The following SMAD4 variants were observed in gnomAD, a reference collection of about 807,000 sequenced individuals.
SMAD4 encodes the protein SMAD family member 4, also known as MAD homolog 4.
In SMAD4, 7 loss-of-function variants were observed where a neutral mutation model predicts 63.2. That is an observed-to-expected ratio of 0.11 (90% CI 0.06 to 0.21). SMAD4 has a LOEUF of 0.21. SMAD4 is among the 10% of genes least tolerant of loss of function. The probability of loss-of-function intolerance (pLI) is 1.00; values close to 1 mark genes in which losing one functional copy is unlikely to be tolerated. For missense variants in SMAD4, 312 were observed against 693.8 expected (o/e 0.45, Z 6.18); for synonymous variants, 215 against 235.4 (o/e 0.91, Z 0.79).
chr18:51,073,433 A>ACC (rs1314307648), intron 10 of SMAD4, among the ~76,000 whole-genome samples: 2 of 130,504 alleles, frequency 1.5e-5, no homozygotes, highest in Non-Finnish European at 3.3e-5. Flanking sequence ...ACACACACAC[A>ACC]CCATACTTGG....
intron 1 of SMAD4, among the ~76,000 whole-genome samples, chr18:51,041,565 C>G (rs1909384079): frequency 6.6e-6 from 1 of 152,222 alleles, no homozygotes; most frequent in African/African-American, 2.4e-5. Context: ...TATATTGCCT[C>G]CAGATGTTGC....
rs1179565122 is a variant in SMAD4 at position 51,049,538 on chromosome 18, A to G, written c.454+214A>G. ...CTATTGCTCTTTGTATTTGAACTGC[A>G]ATTTATGAACTAAAGTACTGTAAAA... On this transcript the variant is annotated intron_variant, in intron 4 of 11. Transcript: ENST00000342988. 3.6e-5 allele frequency: 19 copies of G among 524,856 alleles called. No individual in the cohort carries two copies. The East Asian group carries it at 5.7e-4, about 16-fold the overall frequency. The allele number at this position is 524,856 out of a possible 1,614,324, so 32.5% of individuals were successfully genotyped here. A position where few individuals can be genotyped will look rare whatever the true frequency, so the allele number is the denominator to read the frequency against.
intron 1 of SMAD4, among the ~76,000 whole-genome samples, chr18:51,041,917 G>T (rs1397269701): frequency 6.6e-6 from 1 of 152,128 alleles, no homozygotes; most frequent in African/African-American, 2.4e-5. Flanking sequence ...CCAAGACCTA[G>T]GTTACCTATG....
At chr18:51,050,371 G>A (rs184766805) in intron 4 of SMAD4, among the ~76,000 whole-genome samples, 5 of 148,626 alleles carry the variant, frequency 3.4e-5, no homozygotes, top group Non-Finnish European at 6.0e-5. Flanking sequence ...AAAAAAAAGT[G>A]GGGGGAGGCT....
At chr18:51,047,605 GTTTTC>G (rs1176234646) in intron 2 of SMAD4, among the ~76,000 whole-genome samples, 1 of 150,138 alleles carries the variant, frequency 6.7e-6, no homozygotes, top group Non-Finnish European at 1.5e-5. Flanking sequence ...GTAGCCTGTT[GTTTTC>G]TTTTTTTTTT....
intron 8 of SMAD4, among the ~76,000 whole-genome samples, chr18:51,062,616 A>C (rs926772330): frequency 1.3e-5 from 2 of 151,810 alleles, no homozygotes; most frequent in African/African-American, 2.4e-5. Flanking sequence ...CTCCTGCCTC[A>C]GCCTCCCGAG....
Position 51,083,993 on chromosome 18 carries a change from CGCGT to C in SMAD4, c.*5530_*5533del. On this transcript the variant is annotated 3_prime_UTR_variant, in exon 12 of 12. Coordinates refer to ENST00000342988, the MANE Select transcript of SMAD4 (RefSeq NM_005359.6). ...TAGGGGCTGCAATAAACACTTAACGCGCGTGCGCACGCGCGCGCGCACACACACA... is the reference window on the plus strand; with the variant it reads ...TAGGGGCTGCAATAAACACTTAACGCGCGCACGCGCGCGCGCACACACACA... 1 of 155,572 alleles carries C rather than the reference CGCGT, an allele frequency of 6.4e-6. No individual in the cohort carries two copies. 9.6% of individuals were successfully genotyped at this position (155,572 alleles called of 1,614,324 possible). A position where few individuals can be genotyped will look rare whatever the true frequency, so the allele number is the denominator to read the frequency against.
Position 51,080,975 on chromosome 18 carries a change from A to G in SMAD4, c.*2508A>G. 4.9e-6 allele frequency: 1 copy of G among 202,418 alleles called. No individual in the cohort carries two copies. The highest frequency in any genetic ancestry group is 2.3e-5 in the African/African-American group (1 of 43,768). 12.5% of individuals were successfully genotyped at this position (202,418 alleles called of 1,614,324 possible). On this transcript the variant is annotated 3_prime_UTR_variant, in exon 12 of 12. Transcript: ENST00000342988. Reference sequence around the variant, plus strand: ...TTGGTTTCTTTCTACTAAGAGCCATAAAGTATAGAAATACTTCTAGTTGTT... The same window carrying G: ...TTGGTTTCTTTCTACTAAGAGCCATGAAGTATAGAAATACTTCTAGTTGTT...
intron 5 of SMAD4, among the ~76,000 whole-genome samples, chr18:51,055,198 A>G (rs1299516453): frequency 6.6e-6 from 1 of 152,212 alleles, no homozygotes; most frequent in Non-Finnish European, 1.5e-5. Flanking sequence ...ATTTAAATTA[A>G]TGATCTGATT....
chr18:51,047,138 A>G lies in SMAD4; in HGVS notation c.92A>G (p.Glu31Gly). The change falls in exon 2 of 12, where the codon GAG (glutamate) becomes GGG (glycine). Residue 31 changes from glutamate (E) to glycine (G), a missense_variant. By Grantham distance (98) the Glu-to-Gly change is moderately conservative. Around this residue, in one of 4 missense-constraint regions of SMAD4, gnomAD observed 37 missense variants for 87.3 expected, o/e 0.42. Coordinates refer to ENST00000342988, the MANE Select transcript of SMAD4 (RefSeq NM_005359.6). ...HSLMCHRQGG[E>G]SETFAKRAIE... ...TTGATGTGCCATAGACAAGGTGGAG[A>G]GAGTGAAACATTTGCAAAAAGAGCA... is the stretch of plus-strand genomic sequence containing the variant. 1 of 1,614,120 alleles carries G rather than the reference A, an allele frequency of 6.2e-7. No individual in the cohort carries two copies. The highest frequency in any genetic ancestry group is 8.5e-7 in the Non-Finnish European group (1 of 1,179,982).
At chr18:51,046,792 A>C in intron 1 of SMAD4, 128 bp from the exon 2 acceptor site, 1 of 436,812 alleles carries the variant, frequency 2.3e-6, no homozygotes, top group Admixed American at 3.9e-5. Flanking sequence ...TTCAACTCTG[A>C]GCATCAAATT....
At position 51,079,874 on chromosome 18, in the gene SMAD4, G is replaced by A. The variant is rs1910566316; in HGVS notation, c.*1407G>A. ...TGAGGTACCTTCTACTAAATGACAG[G>A]CAACAGCCAGTTCTATTGGGCAGCT... On this transcript the variant is annotated 3_prime_UTR_variant, in exon 12 of 12. Coordinates refer to ENST00000342988, the MANE Select transcript of SMAD4 (RefSeq NM_005359.6). 4.3e-6 allele frequency: 1 copy of A among 232,216 alleles called. No individual in the cohort carries two copies. The highest frequency in any genetic ancestry group is 8.5e-6 in the Non-Finnish European group (1 of 117,588). 14.4% of individuals were successfully genotyped at this position (232,216 alleles called of 1,614,324 possible). A position where few individuals can be genotyped will look rare whatever the true frequency, so the allele number is the denominator to read the frequency against.
chr18:51,084,012 GCACA>G lies in SMAD4; in HGVS notation c.*5574_*5577del, dbSNP rs56017493. 7.1e-3 allele frequency: 1,152 copies of G among 162,750 alleles called. 5 individuals are homozygous for G. Among genetic ancestry groups the G allele is most frequent in the South Asian group, 0.025 (106 of 4,262 alleles). The allele number at this position is 162,750 out of a possible 1,614,324, so 10.1% of individuals were successfully genotyped here. On this transcript the variant is annotated 3_prime_UTR_variant, in exon 12 of 12. Transcript: ENST00000342988. Reference sequence around the variant, plus strand: ...TTAACGCGCGTGCGCACGCGCGCGCGCACACACACACACACACACACACACACAC... The same window carrying G: ...TTAACGCGCGTGCGCACGCGCGCGCGCACACACACACACACACACACACAC...
At chr18:51,038,432 T>TA (rs1484688970) in intron 1 of SMAD4, among the ~76,000 whole-genome samples, 17 of 152,246 alleles carry the variant, frequency 1.1e-4, no homozygotes, top group African/African-American at 3.4e-4. Context: ...AGTTCACTGA[T>TA]ACAGTGAATT....
chr18:51,039,592 G>C (rs2144385828), intron 1 of SMAD4, among the ~76,000 whole-genome samples: 1 of 149,196 alleles, frequency 6.7e-6, no homozygotes. Context: ...TGTGGCCAGG[G>C]GGTGGCTCTG....
intron 1 of SMAD4, among the ~76,000 whole-genome samples, chr18:51,031,862 T>C (rs1400010848): frequency 6.6e-6 from 1 of 152,192 alleles, no homozygotes; most frequent in East Asian, 1.9e-4. Flanking sequence ...ATATTTCAGT[T>C]GAAATCTAGG....
Position 51,065,618 on chromosome 18 carries a change from A to G in SMAD4, c.1139+12A>G, listed in dbSNP as rs2144448157. 2 of 1,607,580 alleles carry G rather than the reference A, an allele frequency of 1.2e-6. No homozygotes were observed. The highest frequency in any genetic ancestry group is 1.7e-6 in the Non-Finnish European group (2 of 1,175,056). On this transcript the variant is annotated intron_variant, in intron 9 of 11. Coordinates refer to ENST00000342988, the MANE Select transcript of SMAD4 (RefSeq NM_005359.6). ...ATTGAGAGAGCAAGGTATTGATTGT[A>G]TAGTCAGATAGTTACTTTAAAAAAT...
At chr18:51,033,086 G>A (rs1054017005) in intron 1 of SMAD4, among the ~76,000 whole-genome samples, 1 of 151,914 alleles carries the variant, frequency 6.6e-6, no homozygotes, top group Non-Finnish European at 1.5e-5. Context: ...TGATGAATGG[G>A]GTGACTCTGA....
intron 8 of SMAD4, 52 bp downstream of exon 8, chr18:51,059,968 T>C (rs780269983): frequency 2.3e-5 from 31 of 1,358,256 alleles, no homozygotes; most frequent in South Asian, 2.0e-4. Flanking sequence ...TTAGTGGTGA[T>C]TGAAACGCAC....
Sources: allele counts gnomAD v4.1 joint callset (sites outside exome capture counted in the v4.1 genomes callset), GRCh38; gene constraint gnomAD v4.1.1; regional missense constraint gnomAD v4.1.1; transcripts MANE v1.5; gene names NCBI Gene and HGNC (gene_info 2026-07-23, HGNC 2026-07-21).